Variants in PBX1 observed in about 807,000 individuals in gnomAD.
The protein encoded by PBX1 is pre-B-cell leukemia transcription factor 1.
Under a neutral mutation model 53.4 loss-of-function variants are expected in PBX1, and 6 were observed. The ratio of observed to expected loss-of-function variants is 0.11; its 90% confidence interval spans 0.06 to 0.22. PBX1 has a LOEUF of 0.22. PBX1 is among the 10% of genes least tolerant of loss of function. The probability of loss-of-function intolerance (pLI) is 1.00; values close to 1 mark genes in which losing one functional copy is unlikely to be tolerated. For synonymous variants in PBX1, 204 were observed against 212.3 expected, an observed-to-expected ratio of 0.96 and a Z score of 0.34; for missense variants, 251 against 551.4, an observed-to-expected ratio of 0.46 and a Z score of 5.46.
In PBX1 at chr1:164,799,628, TA is replaced by T; in HGVS notation, c.511-69del. 3.5e-6 allele frequency: 5 copies of T among 1,414,966 alleles called. No homozygotes were observed. In the East Asian group the frequency reaches 1.2e-4, roughly 33 times the overall value. The allele number at this position is 1,414,966 out of a possible 1,614,324, so 87.7% of individuals were successfully genotyped here. ...AGTCTCTAGAAAAGCCCACGTGGCC[TA>T]ATGTCATAGACTTGATGCGTGTTGA... On this transcript the variant is annotated intron_variant, in intron 3 of 8. Transcript: ENST00000420696.
At chr1:164,834,419 C>T (rs1670930064) in intron 8 of PBX1, among the ~76,000 whole-genome samples, 1 of 151,290 alleles carries the variant, frequency 6.6e-6, no homozygotes, top group South Asian at 2.1e-4. Context: ...TCTTGGCTCA[C>T]TGCAACCTCC....
chr1:164,745,282 G>A (rs1435602266), intron 2 of PBX1, among the ~76,000 whole-genome samples: 1 of 152,126 alleles, frequency 6.6e-6, no homozygotes, highest in Non-Finnish European at 1.5e-5. Flanking sequence ...ACACTGCCCT[G>A]GGACTTTCCT....
chr1:164,605,430 C>A (rs543987872), intron 2 of PBX1: 55 of 152,198 alleles, frequency 3.6e-4, no homozygotes, highest in African/African-American at 1.3e-3. Context: ...GTGAGTTTAA[C>A]CTCTGTAGGG....
At chr1:164,579,044 A>G (rs920720350) in intron 2 of PBX1, among the ~76,000 whole-genome samples, 1 of 151,938 alleles carries the variant, frequency 6.6e-6, no homozygotes, top group African/African-American at 2.4e-5. Flanking sequence ...CACCCGCTGA[A>G]TAGGCATTCT....
chr1:164,584,931 C>T (rs1305247255), intron 2 of PBX1, among the ~76,000 whole-genome samples: 1 of 152,096 alleles, frequency 6.6e-6, no homozygotes, highest in Non-Finnish European at 1.5e-5. Context: ...TCTGTCTGTT[C>T]ATGTTGACCT....
chr1:164,848,436 C>A lies in PBX1; in HGVS notation c.*1760C>A, dbSNP rs1479273696. 55 of 1,056,236 alleles carry A rather than the reference C, an allele frequency of 5.2e-5. No homozygotes were observed. Among genetic ancestry groups the A allele is most frequent in the Non-Finnish European group, 6.0e-5 (52 of 873,616 alleles). 65.4% of individuals were successfully genotyped at this position (1,056,236 alleles called of 1,614,324 possible). ...GAAGTTGATTTTGTTCATATCCAAT[C>A]TGTAAATGCGAAGTCAGGGGAAGTA... On this transcript the variant is annotated 3_prime_UTR_variant, in exon 9 of 9. Coordinates refer to ENST00000420696, the MANE Select transcript of PBX1 (RefSeq NM_002585.4).
intron 2 of PBX1, among the ~76,000 whole-genome samples, chr1:164,699,066 A>G (rs1662951878): frequency 6.6e-6 from 1 of 152,192 alleles, no homozygotes; most frequent in Non-Finnish European, 1.5e-5. Flanking sequence ...TAAAAAGACC[A>G]GCAGACTGAG....
At chr1:164,842,922 C>T (rs1224753139) in intron 8 of PBX1, among the ~76,000 whole-genome samples, 1 of 149,130 alleles carries the variant, frequency 6.7e-6, no homozygotes, top group Non-Finnish European at 1.5e-5. Flanking sequence ...ACCCACCGCA[C>T]AGTTGTTAAT....
In PBX1 at chr1:164,827,267, A is replaced by T. The variant is rs559116950; in HGVS notation, c.1200+5641A>T. Among the ~76,000 whole-genome samples, 5 of 152,362 alleles carry T rather than the reference A, an allele frequency of 3.3e-5. 1 individual carries two copies. The highest frequency in any genetic ancestry group is 2.1e-4 in the South Asian group (1 of 4,828). ...AGGGTAATAATTAAAATTCATATGC[A>T]TATCTTTGAAAACTCATGTTAATTA... On this transcript the variant is annotated intron_variant, in intron 8 of 8. Coordinates refer to ENST00000420696, the MANE Select transcript of PBX1 (RefSeq NM_002585.4).
chr1:164,673,341 A>G (rs1476475916), intron 2 of PBX1, among the ~76,000 whole-genome samples: 2 of 152,054 alleles, frequency 1.3e-5, no homozygotes, highest in South Asian at 4.1e-4. Flanking sequence ...AGCGCCCAGA[A>G]CCTGGATTTC....
At chr1:164,844,360 T>TCCTG (rs1361598781) in intron 8 of PBX1, among the ~76,000 whole-genome samples, 2 of 151,980 alleles carry the variant, frequency 1.3e-5, no homozygotes, top group African/African-American at 4.8e-5. Context: ...ACAGATACAC[T>TCCTG]CCTGCCTGCC....
intron 2 of PBX1, among the ~76,000 whole-genome samples, chr1:164,859,292 T>C (rs1672042635): frequency 6.6e-6 from 1 of 152,182 alleles, no homozygotes; most frequent in Non-Finnish European, 1.5e-5. Context: ...GATAGAACAG[T>C]GGCCCCTGGA....
chr1:164,730,663 A>T (rs2102135896), intron 2 of PBX1, among the ~76,000 whole-genome samples: 1 of 152,156 alleles, frequency 6.6e-6, no homozygotes, highest in Admixed American at 6.5e-5. Flanking sequence ...CTGGGATCTC[A>T]CCAGTCTGAC....
chr1:164,790,578 C>T lies in PBX1; in HGVS notation c.266-1916C>T, dbSNP rs144944992. Among the ~76,000 whole-genome samples the T allele has an allele frequency of 9.2e-3, 1,404 of 152,176 alleles. 9 individuals are homozygous for T. The highest frequency in any genetic ancestry group is 0.014 in the Non-Finnish European group (923 of 68,012). ...CCTCTCATCCTTTTTTACTTCACCA[C>T]GGAGCCCAAGCTTCTGCCCTGCACC... On this transcript the variant is annotated intron_variant, in intron 2 of 8. Transcript: ENST00000420696.
chr1:164,675,477 T>G (rs1319636849), intron 2 of PBX1, among the ~76,000 whole-genome samples: 2 of 152,168 alleles, frequency 1.3e-5, no homozygotes, highest in African/African-American at 4.8e-5. Context: ...AGCAGTCTGC[T>G]TCATCCTGCT....
At chr1:164,674,516 G>A (rs545750567) in intron 2 of PBX1, 2 of 152,336 alleles carry the variant, frequency 1.3e-5, no homozygotes, top group East Asian at 3.9e-4. Flanking sequence ...CGGCTTTGGA[G>A]TGAAAGCTAG....
At chr1:164,728,331 A>G (rs561692354) in intron 2 of PBX1, among the ~76,000 whole-genome samples, 39 of 121,286 alleles carry the variant, frequency 3.2e-4, no homozygotes, top group African/African-American at 1.6e-3. Flanking sequence ...AAAAAAAAAA[A>G]GAGAGAGAGA....
intron 2 of PBX1, chr1:164,884,446 G>T: frequency 2.8e-6 from 1 of 360,528 alleles, no homozygotes; most frequent in South Asian, 2.4e-5. Flanking sequence ...AACTGAAATC[G>T]GTCAATTTGA....
chr1:164,781,186 T>G (rs1667916370), intron 2 of PBX1, among the ~76,000 whole-genome samples: 1 of 152,080 alleles, frequency 6.6e-6, no homozygotes, highest in Non-Finnish European at 1.5e-5. Context: ...CAGGTGTTGT[T>G]TGTGGTCATG....
Sources: allele counts gnomAD v4.1 joint callset (sites outside exome capture counted in the v4.1 genomes callset), GRCh38; gene constraint gnomAD v4.1.1; transcripts MANE v1.5; gene names NCBI Gene and HGNC (gene_info 2026-07-23, HGNC 2026-07-21).